The following PJA2 variants were observed in gnomAD, a reference collection of about 807,000 sequenced individuals.
PJA2 encodes the protein E3 ubiquitin-protein ligase Praja-2.
A neutral mutation model predicts 69.3 loss-of-function variants in PJA2; 25 were observed. That is an observed-to-expected ratio of 0.36 (90% CI 0.26 to 0.50). The LOEUF is 0.50. Ranked by LOEUF, PJA2 falls within the 20% of genes least tolerant of loss-of-function variation. The pLI, the probability that PJA2 is intolerant of heterozygous loss-of-function variation, is 0.96. For missense variants in PJA2, 809 were observed against 830.2 expected, an observed-to-expected ratio of 0.97 and a Z score of 0.31; for synonymous variants, 308 against 277.8, an observed-to-expected ratio of 1.11 and a Z score of -1.08.
In PJA2 at chr5:109,344,329, T is replaced by C. The variant is rs1050731589; in HGVS notation, c.1880-18A>G. ...ACCAATAGCTGAAAACAACAAATAA[T>C]TCAGGTCAATCACACGTAGTTCAAT... On this transcript the variant is annotated intron_variant, in intron 8 of 9. Coordinates refer to ENST00000361189, the MANE Select transcript of PJA2 (RefSeq NM_014819.5). The C allele has an allele frequency of 1.1e-5, 18 of 1,583,092 alleles. No individual in the cohort carries two copies. Among genetic ancestry groups the C allele is most frequent in the Non-Finnish European group, 1.5e-5 (18 of 1,167,792 alleles).
intron 4 of PJA2, among the ~76,000 whole-genome samples, chr5:109,370,209 T>A (rs925505786): frequency 6.6e-6 from 1 of 152,158 alleles, no homozygotes; most frequent in African/African-American, 2.4e-5. Flanking sequence ...TCCAACCATA[T>A]CAACCATTTT....
Position 109,379,968 on chromosome 5 carries a change from T to TAA in PJA2, c.233-716_233-715dup, listed in dbSNP as rs201537635. ...CATAACTATCTTGCATCACCACTAA[T>TAA]AAAAAAAATGAAGACATTTGAGATT... On this transcript the variant is annotated intron_variant, in intron 3 of 9. Coordinates refer to ENST00000361189, the MANE Select transcript of PJA2 (RefSeq NM_014819.5). Among the ~76,000 whole-genome samples, 1,102 of 148,922 alleles carry TAA rather than the reference T, an allele frequency of 7.4e-3. 19 individuals carry two copies. The highest frequency in any genetic ancestry group is 0.024 in the African/African-American group (988 of 40,668).
At chr5:109,398,931 G>A (rs1027002014) in intron 1 of PJA2, among the ~76,000 whole-genome samples, 5 of 152,104 alleles carry the variant, frequency 3.3e-5, no homozygotes, top group Admixed American at 2.6e-4. Context: ...AAAGAAATGG[G>A]GCCGGGTGCA....
At chr5:109,353,467 A>C (rs1762314265) in intron 7 of PJA2, among the ~76,000 whole-genome samples, 1 of 112,828 alleles carries the variant, frequency 8.9e-6, no homozygotes, top group Non-Finnish European at 2.0e-5. Flanking sequence ...AGATACCTAT[A>C]TCTATAGATA....
intron 6 of PJA2, among the ~76,000 whole-genome samples, chr5:109,356,862 C>A (rs767770736): frequency 1.3e-5 from 2 of 152,022 alleles, no homozygotes; most frequent in African/African-American, 2.4e-5. Context: ...CTCTAAAAAA[C>A]CATTAAGCTC....
chr5:109,406,519 T>TAAA (rs1747696406), intron 1 of PJA2, among the ~76,000 whole-genome samples: 2 of 152,114 alleles, frequency 1.3e-5, no homozygotes, highest in Non-Finnish European at 2.9e-5. Context: ...AAGACTGAAA[T>TAAA]AACCAAGTGC....
At chr5:109,370,139 T>A (rs1442339656) in intron 4 of PJA2, among the ~76,000 whole-genome samples, 1 of 152,132 alleles carries the variant, frequency 6.6e-6, no homozygotes, top group African/African-American at 2.4e-5. Flanking sequence ...TTAGTCCTCT[T>A]ATGCTACCAA....
chr5:109,408,914 T>C (rs1383062054), intron 1 of PJA2, among the ~76,000 whole-genome samples: 1 of 152,212 alleles, frequency 6.6e-6, no homozygotes, highest in South Asian at 2.1e-4. Flanking sequence ...AAATATTTCA[T>C]GATAAAACAG....
chr5:109,403,175 C>T (rs1336563392), intron 1 of PJA2, among the ~76,000 whole-genome samples: 5 of 152,012 alleles, frequency 3.3e-5, no homozygotes, highest in Admixed American at 6.5e-5. Flanking sequence ...AAAGACACCA[C>T]TACAGACGTT....
At chr5:109,350,440 C>G (rs1481038071) in intron 7 of PJA2, among the ~76,000 whole-genome samples, 1 of 152,016 alleles carries the variant, frequency 6.6e-6, no homozygotes, top group Non-Finnish European at 1.5e-5. Flanking sequence ...AAATTTTGTT[C>G]TAAAGAATAA....
Position 109,368,483 on chromosome 5 carries a change from G to A in PJA2, c.1469+78C>T, listed in dbSNP as rs1762621853. On this transcript the variant is annotated intron_variant, in intron 5 of 9. Coordinates refer to ENST00000361189, the MANE Select transcript of PJA2 (RefSeq NM_014819.5). ...CATAAGGCTTATAAATACAATTAATGGCATATCCAACATTTGAATGTAAAA... is the reference window on the plus strand; with the variant it reads ...CATAAGGCTTATAAATACAATTAATAGCATATCCAACATTTGAATGTAAAA... The A allele has an allele frequency of 3.9e-6, 5 of 1,277,202 alleles. No homozygotes were observed. The East Asian group carries it at 7.0e-5, about 18-fold the overall frequency. 79.1% of individuals were successfully genotyped at this position (1,277,202 alleles called of 1,614,324 possible).
chr5:109,409,947 T>G lies in PJA2; in HGVS notation c.-193A>C, dbSNP rs1334670169. The G allele has an allele frequency of 4.8e-6, 1 of 210,248 alleles. No individual in the cohort carries two copies. Among genetic ancestry groups the G allele is most frequent in the Non-Finnish European group, 9.4e-6 (1 of 106,262 alleles). 13.0% of individuals were successfully genotyped at this position (210,248 alleles called of 1,614,324 possible). A position where few individuals can be genotyped will look rare whatever the true frequency, so the allele number is the denominator to read the frequency against. On this transcript the variant is annotated 5_prime_UTR_variant, in exon 1 of 10. Transcript: ENST00000361189. Reference sequence around the variant, plus strand: ...CCTCCCCCGCCGAACGCGAAGCGGCTGGCGGCTGTGGCGGCGGCGGCGGCG... The same window carrying G: ...CCTCCCCCGCCGAACGCGAAGCGGCGGGCGGCTGTGGCGGCGGCGGCGGCG...
At chr5:109,356,442 A>G (rs542698070) in intron 6 of PJA2, among the ~76,000 whole-genome samples, 1 of 152,304 alleles carries the variant, frequency 6.6e-6, no homozygotes, top group South Asian at 2.1e-4. Flanking sequence ...GAACCATTTT[A>G]GATGTTGAAT....
chr5:109,342,359 C>T (rs1762084646), intron 9 of PJA2, among the ~76,000 whole-genome samples: 1 of 123,060 alleles, frequency 8.1e-6, no homozygotes, highest in Non-Finnish European at 1.7e-5. Flanking sequence ...GCCAGCCGCC[C>T]CGTCCGGGAG....
At chr5:109,397,675 C>G (rs539561347) in intron 1 of PJA2, among the ~76,000 whole-genome samples, 1 of 151,992 alleles carries the variant, frequency 6.6e-6, no homozygotes, top group Non-Finnish European at 1.5e-5. Flanking sequence ...CCCGCCACTA[C>G]GCCCAGATAT....
intron 1 of PJA2, among the ~76,000 whole-genome samples, chr5:109,403,385 C>T (rs1024497772): frequency 2.6e-5 from 4 of 151,936 alleles, no homozygotes; most frequent in Admixed American, 2.6e-4. Flanking sequence ...TCCTTTGAAG[C>T]CTTCCAGCAA....
chr5:109,360,157 C>A (rs1166418998), intron 6 of PJA2, among the ~76,000 whole-genome samples: 1 of 152,140 alleles, frequency 6.6e-6, no homozygotes. Flanking sequence ...TATATCCACA[C>A]AGAATTAACT....
At chr5:109,365,890 C>A (rs1456283916) in intron 5 of PJA2, among the ~76,000 whole-genome samples, 1 of 152,140 alleles carries the variant, frequency 6.6e-6, no homozygotes, top group Middle Eastern at 3.2e-3. Flanking sequence ...AGATGCTTAA[C>A]AAATTTTAAA....
intron 5 of PJA2, among the ~76,000 whole-genome samples, chr5:109,366,232 T>C (rs1203783283): frequency 6.6e-6 from 1 of 152,178 alleles, no homozygotes; most frequent in East Asian, 1.9e-4. Flanking sequence ...ATAGTCTGAA[T>C]CACTGTTAGA....
Sources: allele counts gnomAD v4.1 joint callset (sites outside exome capture counted in the v4.1 genomes callset), GRCh38; gene constraint gnomAD v4.1.1; transcripts MANE v1.5; gene names NCBI Gene and HGNC (gene_info 2026-07-23, HGNC 2026-07-21).